TMEM175: variants seen among roughly 807,000 people sequenced by gnomAD.
TMEM175 encodes the protein transmembrane protein 175, also known as endosomal/lysosomal proton channel TMEM175.
In TMEM175, 36 loss-of-function variants were observed where a neutral mutation model predicts 36.5. The ratio of observed to expected loss-of-function variants is 0.99; its 90% CI spans 0.76 to 1.30. The LOEUF (loss-of-function observed/expected upper bound fraction) is 1.30. Among genes scored for constraint, TMEM175 ranks in the 50% most tolerant of loss-of-function variants. TMEM175 has a pLI of 0.00. For synonymous variants in TMEM175, 339 were observed against 313.4 expected, an observed-to-expected ratio of 1.08 and a Z score of -0.86; for missense variants, 705 against 692.8, an observed-to-expected ratio of 1.02 and a Z score of -0.20.
In TMEM175 at chr4:958,480, T is replaced by A. The variant is rs1220872120; in HGVS notation, c.1499T>A (p.Leu500His). 6.5e-7 allele frequency: 1 copy of A among 1,544,518 alleles called. No homozygotes were observed. The highest frequency in any genetic ancestry group is 8.7e-7 in the Non-Finnish European group (1 of 1,149,758). Residue 500 changes from leucine to histidine, a missense_variant, in exon 11 of 11, where the codon CTC (leucine) becomes CAC (histidine). Physicochemically the swap from Leu to His is moderately conservative, Grantham distance 99 (BLOSUM62 -3). Transcript: ENST00000264771. ...TGQDDPQSQLLPAPC is the reference protein window; with the variant it reads ...TGQDDPQSQLHPAPC The stretch of plus-strand genomic sequence containing the variant: ...CAGGACGACCCACAGTCCCAGCTCC[T>A]CCCTGCCCCCTGCTAGCAGCCACAG...
At chr4:955,360 C>T (rs373748110) in intron 8 of TMEM175, 45 bp from the exon 9 acceptor site, 65 of 1,517,444 alleles carry the variant, frequency 4.3e-5, no homozygotes, top group Admixed American at 1.3e-4. Flanking sequence ...GGCCTGGCCT[C>T]GGACCCCTGT....
rs201809910 is a variant in TMEM175, at chr4:952,372, G to A, written c.384G>A (p.Ser128=). The change falls in exon 7 of 11, where the codon TCG becomes TCA. Residue 128 remains serine (S), a synonymous_variant. Coordinates refer to ENST00000264771, the MANE Select transcript of TMEM175 (RefSeq NM_032326.4). ...TTTTGTTTTTGTTTTAACAGTTTTC[G>A]TTAATGGTGACCTTCCCTGATGTGC... The part of the protein sequence containing the change: ...MTITFLPYTF[S]LMVTFPDVPL... The A allele has an allele frequency of 2.7e-5, 43 of 1,611,756 alleles. No individual in the cohort carries two copies. In the African/African-American group the frequency reaches 4.0e-4, roughly 15 times the overall value.
Position 953,270 on chromosome 4 carries a change from C to T in TMEM175, c.543C>T (p.Tyr181=). 6.2e-7 allele frequency: 1 copy of T among 1,614,076 alleles called. No individual in the cohort carries two copies. The highest frequency in any genetic ancestry group is 8.5e-7 in the Non-Finnish European group (1 of 1,179,998). ...AGCGCTCTGCCCACAGGGCTCTGTA[C>T]CGACGACACGTCCTGGGCATCGTCC... ...QIQRSAHRAL[Y]RRHVLGIVLQ... is the part of the protein sequence containing the mutation. Residue 181 remains tyrosine (Y), a synonymous_variant, in exon 8 of 11, where the codon TAC becomes TAT. Transcript: ENST00000264771.
intron 1 of TMEM175, among the ~76,000 whole-genome samples, chr4:941,007 A>AAATAAT (rs71166902): frequency 0.2 from 26,499 of 131,500 alleles, 2,972 homozygotes; most frequent in African/African-American, 0.27. Flanking sequence ...CTCCGTCTCA[A>AAATAAT]AATAATAATA....
intron 1 of TMEM175, among the ~76,000 whole-genome samples, chr4:941,176 G>GACCAT (rs1727431917): frequency 6.6e-6 from 1 of 150,718 alleles, no homozygotes; most frequent in Non-Finnish European, 1.5e-5. Flanking sequence ...AGGAGTTCAA[G>GACCAT]ACCATCCTGG....
At chr4:947,072 G>A (rs796503526) in intron 1 of TMEM175, among the ~76,000 whole-genome samples, 4 of 144,954 alleles carry the variant, frequency 2.8e-5, no homozygotes, top group African/African-American at 5.1e-5. Context: ...GGGAGAGCGC[G>A]GCCCCTGTAG....
At position 958,111 on chromosome 4, in the gene TMEM175, G is replaced by A. The variant is rs751828848; in HGVS notation, c.1130G>A (p.Arg377His). 18 of 1,604,236 alleles carry A rather than the reference G, an allele frequency of 1.1e-5. No individual in the cohort carries two copies. Among genetic ancestry groups the A allele is most frequent in the East Asian group, 4.5e-5 (2 of 44,878 alleles). Residue 377 changes from arginine to histidine, a missense_variant, in exon 11 of 11, where the codon CGT becomes CAT. Coordinates refer to ENST00000264771, the MANE Select transcript of TMEM175 (RefSeq NM_032326.4). The stretch of plus-strand genomic sequence containing the variant: ...CCCCGCGATGAGCTGGAGCGCGTGC[G>A]TGTCAGCTGCACCATCATCTTCCTG... ...RQPRDELERV[R>H]VSCTIIFLAS...
In TMEM175 at chr4:958,001, C is replaced by T. The variant is rs1188709714; in HGVS notation, c.1020C>T (p.Ala340=). Residue 340 remains alanine, a synonymous_variant, in exon 11 of 11, where the codon GCC becomes GCT. Transcript: ENST00000264771. ...TGCATGTGCGCAAGGCCACGCGGGC[C>T]ATGGGGCTGCTGAACACGCTCTCGC... ...LFLHVRKATR[A]MGLLNTLSLA... 6.2e-7 allele frequency: 1 copy of T among 1,612,588 alleles called. No homozygotes were observed. The highest frequency in any genetic ancestry group is 1.3e-5 in the African/African-American group (1 of 74,942).
chr4:950,017 A>G lies in TMEM175; in HGVS notation c.193-404A>G, dbSNP rs184887621. Reference sequence around the variant, plus strand: ...TGCTTTTGCCCTCCTGTCCCCTCCCACATGCGGATACACAGAGGGTACCAT... The same window carrying G: ...TGCTTTTGCCCTCCTGTCCCCTCCCGCATGCGGATACACAGAGGGTACCAT... On this transcript the variant is annotated intron_variant, in intron 3 of 10. Coordinates refer to ENST00000264771, the MANE Select transcript of TMEM175 (RefSeq NM_032326.4). Among the ~76,000 whole-genome samples the G allele has an allele frequency of 6.5e-3, 987 of 152,180 alleles. 7 individuals carry two copies. The highest frequency in any genetic ancestry group is 0.023 in the African/African-American group (935 of 41,532).
chr4:956,438 G>C (rs762314095), intron 10 of TMEM175: 2 of 1,266,550 alleles, frequency 1.6e-6, no homozygotes, highest in Non-Finnish European at 2.0e-6. Context: ...TTTGGTTTTT[G>C]TGGGGTTTTT....
chr4:940,216 A>G (rs1226927209), intron 1 of TMEM175, among the ~76,000 whole-genome samples: 1 of 152,220 alleles, frequency 6.6e-6, no homozygotes, highest in East Asian at 1.9e-4. Flanking sequence ...TCGGAGGCCA[A>G]GGCAGTCAGA....
intron 1 of TMEM175, among the ~76,000 whole-genome samples, chr4:934,844 A>G (rs1003681931): frequency 6.6e-6 from 1 of 152,196 alleles, no homozygotes; most frequent in Non-Finnish European, 1.5e-5. Flanking sequence ...AGGTAGAGAT[A>G]TTTGCTTTGG....
chr4:936,583 T>G (rs2152996175), intron 1 of TMEM175, among the ~76,000 whole-genome samples: 1 of 152,292 alleles, frequency 6.6e-6, no homozygotes, highest in South Asian at 2.1e-4. Context: ...TATTAAGGAC[T>G]TTAGGCCAAC....
In TMEM175 at chr4:932,720, T is replaced by A. The variant is rs1292115713; in HGVS notation, c.-32+180T>A. Among the ~76,000 whole-genome samples, 1 of 152,242 alleles carries A rather than the reference T, an allele frequency of 6.6e-6. No individual in the cohort carries two copies. Among genetic ancestry groups the A allele is most frequent in the East Asian group, 1.9e-4 (1 of 5,196 alleles). On this transcript the variant is annotated intron_variant, in intron 1 of 10. Coordinates refer to ENST00000264771, the MANE Select transcript of TMEM175 (RefSeq NM_032326.4). This position sits in a 1 kb window ranked among gnomAD's most constrained non-coding sequence, Gnocchi z 4.0. ...TTCGCGAATTTTTCTCTCAGTTGGC[T>A]AAGGAGCAAGGAGTTAGCGTGCGTT... is the stretch of plus-strand genomic sequence containing the variant.
intron 10 of TMEM175, chr4:956,170 G>A: frequency 1.4e-6 from 1 of 726,514 alleles, no homozygotes; most frequent in Non-Finnish European, 2.1e-6. Flanking sequence ...GCAGCCAACT[G>A]CTCTCCTCAC....
At chr4:948,038 G>A (rs375531195) in intron 2 of TMEM175, 78 bp from the exon 3 acceptor site, 6 of 1,611,992 alleles carry the variant, frequency 3.7e-6, no homozygotes, top group African/African-American at 1.3e-5. Context: ...CACTGCCCTC[G>A]AGTCCCCAGT....
rs557090706 is a variant in TMEM175, at chr4:952,255, C to T, written c.379-112C>T. 169 of 943,876 alleles carry T rather than the reference C, an allele frequency of 1.8e-4. 2 individuals carry two copies. In the African/African-American group the frequency reaches 2.0e-3, roughly 11 times the overall value. 58.5% of individuals were successfully genotyped at this position (943,876 alleles called of 1,614,324 possible). A position where few individuals can be genotyped will look rare whatever the true frequency, so the allele number is the denominator to read the frequency against. ...TGGCGCCATCCTGTGATGGCCCCAC[C>T]GCATCTCCCAGCGTCCCGTGGAGTG... On this transcript the variant is annotated intron_variant, in intron 6 of 10. Transcript: ENST00000264771.
intron 3 of TMEM175, chr4:948,510 G>C (rs1266271280): frequency 6.4e-6 from 9 of 1,399,886 alleles, no homozygotes; most frequent in Admixed American, 4.3e-5. Flanking sequence ...CGGGAGGGCA[G>C]CTGCCCCAGC....
chr4:958,548 A>G lies in TMEM175; in HGVS notation c.*52A>G. Reference sequence around the variant, plus strand: ...CCTCACCAGAGATGGACCAGGGAGGACAGGATGCTGGGCAGGGGAAGCCAA... The same window carrying G: ...CCTCACCAGAGATGGACCAGGGAGGGCAGGATGCTGGGCAGGGGAAGCCAA... On this transcript the variant is annotated 3_prime_UTR_variant, in exon 11 of 11. Transcript: ENST00000264771. 2 of 1,412,466 alleles carry G rather than the reference A, an allele frequency of 1.4e-6. No homozygotes were observed. The highest frequency in any genetic ancestry group is 1.9e-6 in the Non-Finnish European group (2 of 1,072,424). The allele number at this position is 1,412,466 out of a possible 1,614,324, so 87.5% of individuals were successfully genotyped here. A position where few individuals can be genotyped will look rare whatever the true frequency, so the allele number is the denominator to read the frequency against.
Sources: gnomAD v4.1 joint callset for allele counts (sites outside exome capture counted in the v4.1 genomes callset) on GRCh38, gnomAD v4.1.1 for gene constraint, Gnocchi (gnomAD v3.1) non-coding constraint, MANE v1.5 for transcripts, NCBI Gene and HGNC (gene_info 2026-07-23, HGNC 2026-07-21) for gene names.